The following PLXDC2 variants were observed in gnomAD, a reference collection of about 807,000 sequenced individuals.
The protein encoded by PLXDC2 is plexin domain containing 2, also known as plexin domain-containing protein 2.
A neutral mutation model predicts 68.9 loss-of-function variants in PLXDC2; 40 were observed. The observed-to-expected ratio is 0.58, with a 90% confidence interval of 0.45 to 0.76. The LOEUF is 0.76. Among genes scored for constraint, PLXDC2 ranks in the 30% least tolerant of loss-of-function variants. PLXDC2 has a pLI of 0.00. For missense variants in PLXDC2, 644 were observed against 661.9 expected (o/e 0.97, Z 0.30); for synonymous variants, 243 against 234.2 (o/e 1.04, Z -0.34).
At chr10:20,215,614 T>G (rs979439980) in intron 10 of PLXDC2, among the ~76,000 whole-genome samples, 1 of 152,026 alleles carries the variant, frequency 6.6e-6, no homozygotes, top group African/African-American at 2.4e-5. Flanking sequence ...GAGAAAGGAC[T>G]ATGATCACCT....
intron 6 of PLXDC2, among the ~76,000 whole-genome samples, chr10:20,149,387 C>A (rs978818030): frequency 2.0e-5 from 3 of 151,462 alleles, no homozygotes; most frequent in Non-Finnish European, 4.4e-5. Flanking sequence ...TACAGGCATG[C>A]ACCACCATGC....
rs545214700 is a variant in PLXDC2, at chr10:20,285,442, T to C, written c.*5623T>C. The C allele has an allele frequency of 3.3e-5, 5 of 152,316 alleles. No individual in the cohort carries two copies. Among genetic ancestry groups the C allele is most frequent in the South Asian group, 2.1e-4 (1 of 4,828 alleles). The allele number at this position is 152,316 out of a possible 1,614,324, so 9.4% of individuals were successfully genotyped here. A position where few individuals can be genotyped will look rare whatever the true frequency, so the allele number is the denominator to read the frequency against. ...CCCTAAACCAGACTTTACAAGTAGA[T>C]AGGATCAACAATACTCTATCAATTT... On this transcript the variant is annotated 3_prime_UTR_variant, in exon 14 of 14. Transcript: ENST00000377252.
At chr10:20,181,584 C>A (rs1239924605) in intron 9 of PLXDC2, among the ~76,000 whole-genome samples, 1 of 151,998 alleles carries the variant, frequency 6.6e-6, no homozygotes, top group Non-Finnish European at 1.5e-5. Flanking sequence ...GAAGTGAAAG[C>A]AAAGAGCCTT....
At position 20,044,187 on chromosome 10, in the gene PLXDC2, T is replaced by C. The variant is rs1338195719; in HGVS notation, c.325-2682T>C. Among the ~76,000 whole-genome samples the C allele has an allele frequency of 5.1e-4, 65 of 127,120 alleles. 2 individuals carry two copies. The highest frequency in any genetic ancestry group is 2.0e-3 in the African/African-American group (58 of 28,672). The allele number at this position is 127,120 out of a possible 152,430, so 83.4% of individuals were successfully genotyped here. On this transcript the variant is annotated intron_variant, in intron 2 of 13. Coordinates refer to ENST00000377252, the MANE Select transcript of PLXDC2 (RefSeq NM_032812.9). ...CCTCTTTCTTTCTTTCCTTCTTTCT[T>C]TCTTTCTCTCTCTCTCTCTCTCTGT...
At chr10:20,162,071 A>AGAGAAGGAAG (rs1834305289) in intron 6 of PLXDC2, among the ~76,000 whole-genome samples, 1 of 44,908 alleles carries the variant, frequency 2.2e-5, no homozygotes, top group Non-Finnish European at 4.6e-5. Flanking sequence ...AGAGAGAGAG[A>AGAGAAGGAAG]GAAGGAAGGA....
chr10:20,205,351 T>A (rs1333316323), intron 9 of PLXDC2, among the ~76,000 whole-genome samples: 1 of 152,112 alleles, frequency 6.6e-6, no homozygotes, highest in African/African-American at 2.4e-5. Context: ...AGAGAATAAT[T>A]TGGACATAAA....
At chr10:19,891,882 T>C (rs934718525) in intron 1 of PLXDC2, among the ~76,000 whole-genome samples, 3 of 152,236 alleles carry the variant, frequency 2.0e-5, no homozygotes, top group Admixed American at 6.5e-5. Context: ...ATTGGATTTT[T>C]GTTTTTACAG....
At chr10:20,076,225 A>G (rs2131715633) in intron 4 of PLXDC2, among the ~76,000 whole-genome samples, 1 of 152,340 alleles carries the variant, frequency 6.6e-6, no homozygotes, top group Middle Eastern at 3.4e-3. Context: ...TGGCCATTTC[A>G]GAAATGAGTT....
chr10:19,941,713 C>A (rs1181009025), intron 1 of PLXDC2, among the ~76,000 whole-genome samples: 4 of 152,142 alleles, frequency 2.6e-5, no homozygotes, highest in Non-Finnish European at 4.4e-5. Flanking sequence ...GTACAAAGAA[C>A]TACCCTTCAC....
rs1453131027 is a variant in PLXDC2, at chr10:20,289,034, A to G, written c.*9215A>G. The G allele has an allele frequency of 6.6e-6, 1 of 152,170 alleles. No individual in the cohort carries two copies. The highest frequency in any genetic ancestry group is 1.5e-5 in the Non-Finnish European group (1 of 68,024). The allele number at this position is 152,170 out of a possible 1,614,324, so 9.4% of individuals were successfully genotyped here. ...GACTACATATTAAAAACAGTAAATG[A>G]GCATTTTGTTTTAATTTCTTAAATA... is the stretch of plus-strand genomic sequence containing the variant. On this transcript the variant is annotated 3_prime_UTR_variant, in exon 14 of 14. Coordinates refer to ENST00000377252, the MANE Select transcript of PLXDC2 (RefSeq NM_032812.9).
Position 20,238,677 on chromosome 10 carries a change from G to GTATATATATATATA in PLXDC2, c.1313-6665_1313-6652dup, listed in dbSNP as rs10633613. 1.4e-3 allele frequency among the ~76,000 whole-genome samples: 105 copies of GTATATATATATATA among 76,850 alleles called. 4 individuals carry two copies. The East Asian group carries it at 0.017, about 13-fold the overall frequency. The allele number at this position is 76,850 out of a possible 152,430, so 50.4% of individuals were successfully genotyped here. ...TCTCAAAAAAAATATATATATATAT[G>GTATATATATATATA]TATATATATATATATACACACATAT... is the stretch of plus-strand genomic sequence containing the variant. On this transcript the variant is annotated intron_variant, in intron 12 of 13. Coordinates refer to ENST00000377252, the MANE Select transcript of PLXDC2 (RefSeq NM_032812.9).
At chr10:20,198,205 T>G (rs929383136) in intron 9 of PLXDC2, among the ~76,000 whole-genome samples, 6 of 152,116 alleles carry the variant, frequency 3.9e-5, no homozygotes, top group African/African-American at 1.4e-4. Context: ...GACAAGCAGC[T>G]GAAGTATGTT....
At chr10:20,213,944 C>T (rs1281154443) in intron 10 of PLXDC2, among the ~76,000 whole-genome samples, 1 of 152,002 alleles carries the variant, frequency 6.6e-6, no homozygotes, top group Non-Finnish European at 1.5e-5. Flanking sequence ...TAATCTCTTT[C>T]CTTATTACTC....
intron 4 of PLXDC2, among the ~76,000 whole-genome samples, chr10:20,122,098 G>C (rs1833706312): frequency 6.6e-6 from 1 of 151,968 alleles, no homozygotes; most frequent in Non-Finnish European, 1.5e-5. Flanking sequence ...TCCAGGAATA[G>C]TCAGGGAAGC....
chr10:20,211,767 G>A, intron 10 of PLXDC2, 38 bp downstream of exon 10: 2 of 1,586,898 alleles, frequency 1.3e-6, no homozygotes, highest in Non-Finnish European at 8.6e-7. Context: ...CTGGGACCAA[G>A]CTGTCATATA....
intron 1 of PLXDC2, among the ~76,000 whole-genome samples, chr10:19,934,269 A>G (rs9651366): frequency 0.14 from 22,006 of 152,232 alleles, 2,020 homozygotes; most frequent in East Asian, 0.26. Context: ...AATGCTCATG[A>G]CCATTCTTGA....
At chr10:20,031,309 G>A (rs983428224) in intron 2 of PLXDC2, among the ~76,000 whole-genome samples, 1 of 151,960 alleles carries the variant, frequency 6.6e-6, no homozygotes, top group South Asian at 2.1e-4. Context: ...GGGCCAGGCT[G>A]CAGTGAGACA....
chr10:19,844,789 G>A (rs1279366711), intron 1 of PLXDC2, among the ~76,000 whole-genome samples: 1 of 151,892 alleles, frequency 6.6e-6, no homozygotes, highest in Non-Finnish European at 1.5e-5. Flanking sequence ...ACTTTTTGTA[G>A]AGGTGAGGTC....
chr10:19,955,862 C>G (rs920761389), intron 1 of PLXDC2, among the ~76,000 whole-genome samples: 4 of 151,986 alleles, frequency 2.6e-5, no homozygotes, highest in African/African-American at 9.7e-5. Flanking sequence ...GGTGGATCAC[C>G]TGAGTCAGGA....
Sources: allele counts gnomAD v4.1 joint callset (sites outside exome capture counted in the v4.1 genomes callset), GRCh38; gene constraint gnomAD v4.1.1; transcripts MANE v1.5; gene names NCBI Gene and HGNC (gene_info 2026-07-23, HGNC 2026-07-21).